The following MCHR2 variants were observed in gnomAD, a reference collection of about 807,000 sequenced individuals.
The protein encoded by MCHR2 is melanin concentrating hormone receptor 2, also known as melanin-concentrating hormone receptor 2.
MCHR2 carries 15 observed loss-of-function variants against 24.8 expected under a neutral mutation model. The ratio of observed to expected loss-of-function variants is 0.60; its 90% CI spans 0.40 to 0.93. The LOEUF (loss-of-function observed/expected upper bound fraction) is 0.93, where lower values mean the gene tolerates loss of function less well. MCHR2 is among the 40% of genes least tolerant of loss of function. The probability of loss-of-function intolerance (pLI) is 0.00; values close to 1 mark genes in which losing one functional copy is unlikely to be tolerated. For synonymous variants in MCHR2, 151 were observed against 147.6 expected, an observed-to-expected ratio of 1.02 and a Z score of -0.17; for missense variants, 386 against 408.7, an observed-to-expected ratio of 0.94 and a Z score of 0.48.
At chr6:99,951,731 A>T (rs1028115492) in intron 2 of MCHR2, among the ~76,000 whole-genome samples, 30 of 152,090 alleles carry the variant, frequency 2.0e-4, no homozygotes, top group Non-Finnish European at 3.2e-4. Context: ...GCTGTTAGTT[A>T]TTATTTAATC....
intron 5 of MCHR2, among the ~76,000 whole-genome samples, chr6:99,929,747 G>T (rs1774467839): frequency 1.3e-5 from 2 of 151,822 alleles, no homozygotes; most frequent in African/African-American, 4.8e-5. Context: ...CACGTGAGAT[G>T]GGTGTTCTGA....
intron 4 of MCHR2, among the ~76,000 whole-genome samples, chr6:99,942,306 C>G (rs1774785906): frequency 6.6e-6 from 1 of 152,152 alleles, no homozygotes; most frequent in Admixed American, 6.5e-5. Flanking sequence ...CCCTCCTACC[C>G]TCTCTGCTGG....
chr6:99,939,758 A>G (rs911505265), intron 4 of MCHR2, among the ~76,000 whole-genome samples: 1 of 150,652 alleles, frequency 6.6e-6, no homozygotes, highest in Non-Finnish European at 1.5e-5. Flanking sequence ...CATTTCTTGT[A>G]AGACAGATCT....
At position 99,954,076 on chromosome 6, in the gene MCHR2, A is replaced by G. The variant is rs537305397; in HGVS notation, c.182+1890T>C. 1.3e-3 allele frequency among the ~76,000 whole-genome samples: 203 copies of G among 152,202 alleles called. 1 individual carries two copies. The highest frequency in any genetic ancestry group is 4.6e-3 in the African/African-American group (190 of 41,544). ...CCTCTTGCTCTCAGTTAAGCCTGTG[A>G]GGATTCTTTTATCTTTACAGCAAAT... On this transcript the variant is annotated intron_variant, in intron 2 of 5. Transcript: ENST00000281806.
At chr6:99,952,137 A>G (rs377131613) in intron 2 of MCHR2, among the ~76,000 whole-genome samples, 1 of 152,072 alleles carries the variant, frequency 6.6e-6, no homozygotes, top group Non-Finnish European at 1.5e-5. Flanking sequence ...GAGTTCATCA[A>G]TCTGTCTCCT....
intron 1 of MCHR2, among the ~76,000 whole-genome samples, chr6:99,965,292 T>C (rs1775275413): frequency 6.6e-6 from 1 of 152,206 alleles, no homozygotes; most frequent in Non-Finnish European, 1.5e-5. Context: ...ACTTTCCAAT[T>C]TATTTCAAAT....
At chr6:99,982,275 C>G (rs1013481450) in intron 1 of MCHR2, among the ~76,000 whole-genome samples, 1 of 151,784 alleles carries the variant, frequency 6.6e-6, no homozygotes, top group African/African-American at 2.4e-5. Flanking sequence ...TCACATCAAC[C>G]CACCTTCCCC....
chr6:99,925,078 C>T (rs912805451), intron 5 of MCHR2, among the ~76,000 whole-genome samples: 1 of 152,106 alleles, frequency 6.6e-6, no homozygotes, highest in Non-Finnish European at 1.5e-5. Context: ...TATCTGGATA[C>T]TCCAGTGTTG....
chr6:99,976,517 A>G (rs1215144540), intron 1 of MCHR2, among the ~76,000 whole-genome samples: 4 of 152,200 alleles, frequency 2.6e-5, no homozygotes, highest in Non-Finnish European at 1.5e-5. Context: ...TTGTGTAGCC[A>G]TAGTTGTGCC....
Position 99,947,986 on chromosome 6 carries a change from G to A in MCHR2, c.183-15C>T, listed in dbSNP as rs758454505. 1.9e-5 allele frequency: 30 copies of A among 1,604,646 alleles called. No individual in the cohort carries two copies. Among genetic ancestry groups the A allele is most frequent in the Non-Finnish European group, 2.6e-5 (30 of 1,173,000 alleles). The stretch of plus-strand genomic sequence containing the variant: ...TTTTCCTGGATCTGAAAGAGATAGA[G>A]GAAACTGAGGATTGACATTGAATGT... On this transcript the variant is annotated splice_polypyrimidine_tract_variant and intron_variant, in intron 2 of 5. Transcript: ENST00000281806.
chr6:99,991,808 C>CAAAACA (rs1775884637), intron 1 of MCHR2, among the ~76,000 whole-genome samples: 1 of 82,068 alleles, frequency 1.2e-5, no homozygotes, highest in African/African-American at 4.7e-5. Flanking sequence ...GACTCCGTCT[C>CAAAACA]AAAAAAAAAA....
chr6:99,927,868 A>G (rs1164260849), intron 5 of MCHR2, among the ~76,000 whole-genome samples: 1 of 152,124 alleles, frequency 6.6e-6, no homozygotes, highest in Non-Finnish European at 1.5e-5. Flanking sequence ...AACTTCCAAC[A>G]CTATGTTGAA....
chr6:99,943,044 C>T lies in MCHR2; in HGVS notation c.492G>A (p.Leu164=). 1 of 1,613,188 alleles carries T rather than the reference C, an allele frequency of 6.2e-7. No homozygotes were observed. Among genetic ancestry groups the T allele is most frequent in the Non-Finnish European group, 8.5e-7 (1 of 1,179,436 alleles). Residue 164 remains leucine, a synonymous_variant, in exon 4 of 6, where the codon CTG becomes CTA. Transcript: ENST00000281806. ...NLGLWAASFI[L]ALPVWVYSKV... Reference sequence around the variant, plus strand: ...TCGAGTAGACCCAGACAGGCAATGCCAGGATAAAGGAAGCTGCCCAAAGGC... The same window carrying T: ...TCGAGTAGACCCAGACAGGCAATGCTAGGATAAAGGAAGCTGCCCAAAGGC...
At chr6:99,962,428 C>G (rs1250364320) in intron 1 of MCHR2, among the ~76,000 whole-genome samples, 1 of 152,058 alleles carries the variant, frequency 6.6e-6, no homozygotes, top group Non-Finnish European at 1.5e-5. Flanking sequence ...AAAGTGAAAC[C>G]ACAGATAAGG....
In MCHR2 at chr6:99,956,143, T is replaced by C. The variant is rs1214599803; in HGVS notation, c.5A>G (p.Asn2Ser). The change falls in exon 2 of 6, where the codon AAT (asparagine) becomes AGT (serine). Residue 2 changes from asparagine to serine, a missense_variant. Transcript: ENST00000281806. The part of the protein sequence containing the change: M[N>S]PFHASCWNTS... ...GTTCCAACAAGATGCATGAAATGGA[T>C]TCATTGTTCGTGGACTTTCCAGGGA... 6.2e-7 allele frequency: 1 copy of C among 1,610,136 alleles called. No individual in the cohort carries two copies. The highest frequency in any genetic ancestry group is 8.5e-7 in the Non-Finnish European group (1 of 1,177,934).
intron 4 of MCHR2, among the ~76,000 whole-genome samples, chr6:99,935,495 C>G (rs1774638386): frequency 6.6e-6 from 1 of 151,982 alleles, no homozygotes; most frequent in Non-Finnish European, 1.5e-5. Flanking sequence ...TTTCACTTAA[C>G]ATAATAGCCT....
At chr6:99,988,642 T>C (rs908562765) in intron 1 of MCHR2, among the ~76,000 whole-genome samples, 1 of 151,926 alleles carries the variant, frequency 6.6e-6, no homozygotes, top group African/African-American at 2.4e-5. Context: ...CCACCCAAAC[T>C]CAAGGCAAGG....
intron 4 of MCHR2, among the ~76,000 whole-genome samples, chr6:99,937,263 G>A (rs1394710943): frequency 6.6e-6 from 1 of 151,968 alleles, no homozygotes; most frequent in Non-Finnish European, 1.5e-5. Flanking sequence ...AGTGGTGAAA[G>A]TGGGTATACT....
chr6:99,984,019 G>C (rs1775721825), intron 1 of MCHR2, among the ~76,000 whole-genome samples: 1 of 152,050 alleles, frequency 6.6e-6, no homozygotes, highest in African/African-American at 2.4e-5. Flanking sequence ...AATCATTTGG[G>C]ATGTCTTTGC....
Sources: gnomAD v4.1 joint callset for allele counts (sites outside exome capture counted in the v4.1 genomes callset) on GRCh38, gnomAD v4.1.1 for gene constraint, MANE v1.5 for transcripts, NCBI Gene and HGNC (gene_info 2026-07-23, HGNC 2026-07-21) for gene names.